Variants in ANKS1B observed in about 807,000 individuals in gnomAD.
The protein encoded by ANKS1B is ankyrin repeat and sterile alpha motif domain containing 1B.
In ANKS1B, 36 loss-of-function variants were observed where a neutral mutation model predicts 148.3. The ratio of observed to expected loss-of-function variants is 0.24; its 90% CI spans 0.19 to 0.32. The LOEUF is 0.32. Ranked by LOEUF, ANKS1B falls within the 10% of genes least tolerant of loss-of-function variation. The probability of loss-of-function intolerance (pLI) is 1.00; values close to 1 mark genes in which losing one functional copy is unlikely to be tolerated. For missense variants in ANKS1B, 1,157 were observed against 1,542.6 expected, an observed-to-expected ratio of 0.75 and a Z score of 4.19; for synonymous variants, 542 against 560.8, an observed-to-expected ratio of 0.97 and a Z score of 0.47.
chr12:98,814,632 G>C (rs2153639713), intron 19 of ANKS1B, among the ~76,000 whole-genome samples: 1 of 152,318 alleles, frequency 6.6e-6, no homozygotes, highest in Non-Finnish European at 1.5e-5. Context: ...AAGGCTGCTT[G>C]TAGAGCTTAG....
Position 99,376,375 on chromosome 12 carries a change from T to C in ANKS1B, c.1756+23256A>G, listed in dbSNP as rs574621680. On this transcript the variant is annotated intron_variant, in intron 12 of 26. Coordinates refer to ENST00000683438, the MANE Select transcript of ANKS1B (RefSeq NM_001352186.2). ...GCTGTTATCCATAAACGAACAGTTG[T>C]TTTGAAGGGGCAGTTGTACAGTCTC... Among the ~76,000 whole-genome samples, 4 of 152,330 alleles carry C rather than the reference T, an allele frequency of 2.6e-5. No individual in the cohort carries two copies. The South Asian group carries it at 8.3e-4, about 32-fold the overall frequency.
At chr12:99,649,744 A>G (rs11109970) in intron 9 of ANKS1B, 59,244 of 203,650 alleles carry the variant, frequency 0.29, 9,417 homozygotes, top group African/African-American at 0.36. Flanking sequence ...CTCCCTAGAG[A>G]GCAGTATGAA....
intron 9 of ANKS1B, among the ~76,000 whole-genome samples, chr12:99,587,957 G>A (rs2097660244): frequency 6.6e-6 from 1 of 152,126 alleles, no homozygotes; most frequent in African/African-American, 2.4e-5. Context: ...AGACAAAGGA[G>A]AAACAGGGGT....
At chr12:98,942,112 G>GCA (rs2099837729) in intron 17 of ANKS1B, among the ~76,000 whole-genome samples, 1 of 151,866 alleles carries the variant, frequency 6.6e-6, no homozygotes, top group African/African-American at 2.4e-5. Flanking sequence ...ATGGTGGTAT[G>GCA]TGCCTGTAAT....
Position 99,549,503 on chromosome 12 carries a change from T to G in ANKS1B, c.1273-44862A>C, listed in dbSNP as rs1437590797. On this transcript the variant is annotated intron_variant, in intron 9 of 26. Transcript: ENST00000683438. ...ATTCTTCTTCATTCTCTTTCTTCCT[T>G]CTTCTCTCCCTCACTCTTTTCTTTC... Among the ~76,000 whole-genome samples, 3 of 152,310 alleles carry G rather than the reference T, an allele frequency of 2.0e-5. No homozygotes were observed. In the East Asian group the frequency reaches 5.8e-4, roughly 29 times the overall value.
intron 9 of ANKS1B, among the ~76,000 whole-genome samples, chr12:99,588,650 G>A (rs562293674): frequency 5.3e-5 from 8 of 152,160 alleles, no homozygotes; most frequent in South Asian, 4.2e-4. Context: ...AGCCAAAATG[G>A]TTTTGAATTT....
intron 11 of ANKS1B, among the ~76,000 whole-genome samples, chr12:99,418,894 T>C (rs2094994792): frequency 6.6e-6 from 1 of 152,232 alleles, no homozygotes; most frequent in African/African-American, 2.4e-5. Context: ...TTGAATGCTT[T>C]CTGTGTATCA....
chr12:98,966,347 A>C (rs2099877877), intron 17 of ANKS1B, among the ~76,000 whole-genome samples: 1 of 152,216 alleles, frequency 6.6e-6, no homozygotes, highest in African/African-American at 2.4e-5. Flanking sequence ...AACCATAATG[A>C]GATACCATCT....
chr12:99,730,452 T>C (rs2059027065), intron 8 of ANKS1B, among the ~76,000 whole-genome samples: 1 of 152,158 alleles, frequency 6.6e-6, no homozygotes, highest in South Asian at 2.1e-4. Flanking sequence ...CTCCAACTTT[T>C]TTGGCTAGTT....
At chr12:99,574,510 T>A (rs2097496218) in intron 9 of ANKS1B, among the ~76,000 whole-genome samples, 1 of 152,048 alleles carries the variant, frequency 6.6e-6, no homozygotes, top group Admixed American at 6.6e-5. Flanking sequence ...ATATCTTTCA[T>A]GAATATATAC....
At chr12:99,202,030 A>G (rs2082130085) in intron 14 of ANKS1B, among the ~76,000 whole-genome samples, 1 of 152,232 alleles carries the variant, frequency 6.6e-6, no homozygotes, top group Non-Finnish European at 1.5e-5. Context: ...AATTTTAATT[A>G]CAGCTACAAA....
chr12:99,528,207 T>C (rs2096947756), intron 9 of ANKS1B, among the ~76,000 whole-genome samples: 6 of 151,864 alleles, frequency 4.0e-5, no homozygotes, highest in Admixed American at 3.9e-4. Context: ...CCTTACACCA[T>C]ATACAAAAAA....
At chr12:99,561,504 A>AT (rs914144219) in intron 9 of ANKS1B, among the ~76,000 whole-genome samples, 4 of 152,148 alleles carry the variant, frequency 2.6e-5, no homozygotes, top group African/African-American at 4.8e-5. Context: ...TTTCTTATGC[A>AT]TTTTTTGGAT....
At chr12:99,815,288 TG>T (rs2153670640) in intron 2 of ANKS1B, among the ~76,000 whole-genome samples, 1 of 151,878 alleles carries the variant, frequency 6.6e-6, no homozygotes, top group Non-Finnish European at 1.5e-5. Context: ...TTTTGAAAAC[TG>T]ACTTACTAAT....
At chr12:99,868,775 A>T (rs2091085093) in intron 1 of ANKS1B, among the ~76,000 whole-genome samples, 1 of 152,172 alleles carries the variant, frequency 6.6e-6, no homozygotes, top group Admixed American at 6.6e-5. Flanking sequence ...TTTAAGGAAG[A>T]GGCCGGGTGT....
intron 12 of ANKS1B, among the ~76,000 whole-genome samples, chr12:99,388,284 C>G (rs2093949649): frequency 6.6e-6 from 1 of 152,178 alleles, no homozygotes; most frequent in Non-Finnish European, 1.5e-5. Context: ...CTTAAGATTT[C>G]ATTATCAGAG....
At chr12:99,680,734 T>C (rs2098609701) in intron 8 of ANKS1B, among the ~76,000 whole-genome samples, 1 of 152,158 alleles carries the variant, frequency 6.6e-6, no homozygotes, top group Admixed American at 6.5e-5. Flanking sequence ...TCTTAGTGGG[T>C]AGGCTTGTAG....
chr12:99,877,747 A>G (rs2092210915), intron 1 of ANKS1B, among the ~76,000 whole-genome samples: 1 of 152,162 alleles, frequency 6.6e-6, no homozygotes, highest in Non-Finnish European at 1.5e-5. Flanking sequence ...ATAAAATCCA[A>G]CAAGTTATAA....
chr12:99,784,622 A>G (rs534718985), intron 4 of ANKS1B, among the ~76,000 whole-genome samples: 1 of 152,326 alleles, frequency 6.6e-6, no homozygotes, highest in East Asian at 1.9e-4. Context: ...ATGAATAAGA[A>G]CCATGTGGAG....
Sources: allele counts gnomAD v4.1 joint callset (sites outside exome capture counted in the v4.1 genomes callset), GRCh38; gene constraint gnomAD v4.1.1; transcripts MANE v1.5; gene names NCBI Gene and HGNC (gene_info 2026-07-23, HGNC 2026-07-21).